The following PCDHGA3 variants were observed in gnomAD, a reference collection of about 807,000 sequenced individuals.
PCDHGA3 encodes the protein protocadherin gamma-A3.
A neutral mutation model predicts 58.5 loss-of-function variants in PCDHGA3; 40 were observed. The ratio of observed to expected loss-of-function variants is 0.68; its 90% confidence interval spans 0.53 to 0.89. PCDHGA3 has a LOEUF of 0.89. Ranked by LOEUF, PCDHGA3 falls within the 40% of genes least tolerant of loss-of-function variation. PCDHGA3 has a pLI of 0.00. For missense variants in PCDHGA3, 1,223 were observed against 1,195.9 expected (o/e 1.02, Z -0.33); for synonymous variants, 530 against 525.7 (o/e 1.01, Z -0.11).
At chr5:141,412,163 T>G (rs1005929326) in intron 1 of PCDHGA3, 13 of 152,240 alleles carry the variant, frequency 8.5e-5, no homozygotes, top group African/African-American at 2.9e-4. Flanking sequence ...GAGAAGAGAT[T>G]ATTTATACTG....
chr5:141,357,290 T>G lies in PCDHGA3; in HGVS notation c.2424+10833T>G, dbSNP rs773203887. 6 of 1,613,834 alleles carry G rather than the reference T, an allele frequency of 3.7e-6. No homozygotes were observed. The African/African-American group carries it at 8.0e-5, about 22-fold the overall frequency. On this transcript the variant is annotated intron_variant, in intron 1 of 3. Transcript: ENST00000253812. ...CTCACACTCTATCTCGTGGTGGCAG[T>G]GGCCGCTGTCTCCTGCGTCTTCCTG...
chr5:141,421,709 C>T, intron 1 of PCDHGA3: 1 of 1,613,926 alleles, frequency 6.2e-7, no homozygotes, highest in Non-Finnish European at 8.5e-7. Flanking sequence ...GCTAGGGATC[C>T]AGATGTGGGC....
intron 1 of PCDHGA3, chr5:141,371,055 T>A (rs1438717717): frequency 5.6e-6 from 9 of 1,613,768 alleles, no homozygotes; most frequent in Non-Finnish European, 7.6e-6. Flanking sequence ...GGGCGAGCCC[T>A]CCAGAAGCTG....
At chr5:141,383,665 C>T (rs1779352748) in intron 1 of PCDHGA3, 2 of 1,613,970 alleles carry the variant, frequency 1.2e-6, no homozygotes, top group Non-Finnish European at 1.7e-6. Flanking sequence ...CGAGAATGTG[C>T]CAGTGGGTAC....
chr5:141,375,664 C>A (rs766359955), intron 1 of PCDHGA3: 2 of 1,614,256 alleles, frequency 1.2e-6, no homozygotes, highest in East Asian at 4.5e-5. Context: ...AGTTGAGAGA[C>A]CTACAGCTGT....
At chr5:141,372,930 T>C (rs1381737731) in intron 1 of PCDHGA3, 2 of 884,806 alleles carry the variant, frequency 2.3e-6, no homozygotes, top group East Asian at 2.7e-5. Flanking sequence ...TTTTCTGGTG[T>C]AGAGTAGGGT....
In PCDHGA3 at chr5:141,511,519, C is replaced by G; in HGVS notation, c.*346C>G. 2.7e-6 allele frequency: 1 copy of G among 367,516 alleles called. No homozygotes were observed. Among genetic ancestry groups the G allele is most frequent in the African/African-American group, 2.1e-5 (1 of 48,286 alleles). 22.8% of individuals were successfully genotyped at this position (367,516 alleles called of 1,614,324 possible). A position where few individuals can be genotyped will look rare whatever the true frequency, so the allele number is the denominator to read the frequency against. ...CCAAATCAATCAGGCCCATCCATCC[C>G]ATGCCTCCCTCCTCCCCACCCCACT... On this transcript the variant is annotated 3_prime_UTR_variant, in exon 4 of 4. Coordinates refer to ENST00000253812, the MANE Select transcript of PCDHGA3 (RefSeq NM_018916.4).
chr5:141,383,405 G>C (rs189408749), intron 1 of PCDHGA3: 11 of 1,613,898 alleles, frequency 6.8e-6, no homozygotes, highest in Non-Finnish European at 8.5e-6. Context: ...TCCCTCCAGA[G>C]TTACCAGCTC....
chr5:141,397,949 A>AGCCCCAGCTCAGAC (rs1391996511), intron 1 of PCDHGA3: 1 of 916,660 alleles, frequency 1.1e-6, no homozygotes, highest in Non-Finnish European at 1.6e-6. Context: ...TTTCCAGGGC[A>AGCCCCAGCTCAGAC]GCCCCAGCTC....
intron 1 of PCDHGA3, chr5:141,400,097 A>G: frequency 6.2e-7 from 1 of 1,614,048 alleles, no homozygotes; most frequent in Non-Finnish European, 8.5e-7. Flanking sequence ...GCCACGCTGC[A>G]CTTGGTCTTT....
At chr5:141,434,392 C>T (rs906051301) in intron 1 of PCDHGA3, among the ~76,000 whole-genome samples, 4 of 152,210 alleles carry the variant, frequency 2.6e-5, no homozygotes, top group African/African-American at 9.6e-5. Context: ...TGGCCATAAA[C>T]AAAATCTCTG....
Position 141,388,879 on chromosome 5 carries a change from A to C in PCDHGA3, c.2424+42422A>C, listed in dbSNP as rs771776263. 3 of 1,613,956 alleles carry C rather than the reference A, an allele frequency of 1.9e-6. No individual in the cohort carries two copies. In the East Asian group the frequency reaches 6.7e-5, roughly 36 times the overall value. ...GGAATGATTGCGCAATGCACAGTGG[A>C]GGTAGAAGTCATAGATGAAAATGAC... On this transcript the variant is annotated intron_variant, in intron 1 of 3. Transcript: ENST00000253812.
intron 1 of PCDHGA3, among the ~76,000 whole-genome samples, chr5:141,448,669 G>T: frequency 6.6e-6 from 1 of 152,136 alleles, no homozygotes; most frequent in East Asian, 1.9e-4. Flanking sequence ...GGCCGGGCGC[G>T]GTGGCTCACG....
intron 1 of PCDHGA3, among the ~76,000 whole-genome samples, chr5:141,405,967 G>A (rs76683972): frequency 6.6e-6 from 1 of 152,068 alleles, no homozygotes; most frequent in Non-Finnish European, 1.5e-5. Flanking sequence ...TGCTGTCAAC[G>A]TAAACCATAC....
intron 1 of PCDHGA3, chr5:141,362,033 G>A (rs1762293611): frequency 6.2e-7 from 1 of 1,609,476 alleles, no homozygotes; most frequent in Non-Finnish European, 8.5e-7. Flanking sequence ...CGTGCCTTGG[G>A]CGACAGGGAC....
chr5:141,423,323 C>A (rs200492485), intron 1 of PCDHGA3: 91 of 1,614,146 alleles, frequency 5.6e-5, no homozygotes, highest in Non-Finnish European at 4.2e-6. Flanking sequence ...GTGGCGGTGG[C>A]CGCAGTCTCC....
At chr5:141,466,004 C>T (rs1336655723) in intron 1 of PCDHGA3, among the ~76,000 whole-genome samples, 1 of 151,920 alleles carries the variant, frequency 6.6e-6, no homozygotes, top group Non-Finnish European at 1.5e-5. Flanking sequence ...CACCTGTAGT[C>T]CCAGCTACTC....
intron 1 of PCDHGA3, among the ~76,000 whole-genome samples, chr5:141,445,953 T>C (rs550111391): frequency 2.0e-4 from 31 of 152,308 alleles, no homozygotes; most frequent in Middle Eastern, 3.4e-3. Flanking sequence ...CTCTGGCTGC[T>C]ATATGGAGAA....
intron 2 of PCDHGA3, among the ~76,000 whole-genome samples, chr5:141,505,177 A>G (rs917485235): frequency 6.6e-6 from 1 of 152,180 alleles, no homozygotes; most frequent in East Asian, 1.9e-4. Flanking sequence ...AAAAGAAAAA[A>G]GCATCGGAGG....
Sources: gnomAD v4.1 joint callset for allele counts (sites outside exome capture counted in the v4.1 genomes callset) on GRCh38, gnomAD v4.1.1 for gene constraint, MANE v1.5 for transcripts, NCBI Gene and HGNC (gene_info 2026-07-23, HGNC 2026-07-21) for gene names.